The following VAV2 variants were observed in gnomAD, a reference collection of about 807,000 sequenced individuals.
The protein encoded by VAV2 is vav guanine nucleotide exchange factor 2.
VAV2 carries 67 observed loss-of-function variants against 132.5 expected under a neutral mutation model. The ratio of observed to expected loss-of-function variants is 0.51; its 90% confidence interval spans 0.42 to 0.62. The LOEUF (loss-of-function observed/expected upper bound fraction) is 0.62, where lower values mean the gene tolerates loss of function less well. Among genes scored for constraint, VAV2 ranks in the 20% least tolerant of loss-of-function variants. The probability of loss-of-function intolerance (pLI) is 0.00; values close to 1 mark genes in which losing one functional copy is unlikely to be tolerated. For missense variants in VAV2, 938 were observed against 1,153.6 expected (o/e 0.81, Z 2.71); for synonymous variants, 492 against 443.5 (o/e 1.11, Z -1.37).
chr9:133,798,087 C>T (rs1445344990), intron 9 of VAV2, among the ~76,000 whole-genome samples: 1 of 152,190 alleles, frequency 6.6e-6, no homozygotes, highest in Non-Finnish European at 1.5e-5. Flanking sequence ...GGCTGGGATG[C>T]AGGCTGGAGC....
At chr9:133,970,084 G>A (rs1056737832) in intron 1 of VAV2, among the ~76,000 whole-genome samples, 2 of 151,916 alleles carry the variant, frequency 1.3e-5, no homozygotes, top group Non-Finnish European at 2.9e-5. Context: ...CACCCTCCCT[G>A]CCCACTCAAC....
At chr9:133,816,836 T>C (rs1177031252) in intron 4 of VAV2, among the ~76,000 whole-genome samples, 1 of 152,258 alleles carries the variant, frequency 6.6e-6, no homozygotes, top group Non-Finnish European at 1.5e-5. Context: ...GAATAACTAC[T>C]CTATTCCATC....
At chr9:133,958,934 C>T (rs998068823) in intron 1 of VAV2, among the ~76,000 whole-genome samples, 6 of 152,218 alleles carry the variant, frequency 3.9e-5, no homozygotes, top group African/African-American at 7.2e-5. Context: ...GCCAGGCCTG[C>T]GAGGTGCTCC....
At chr9:133,954,480 G>A (rs892973348) in intron 1 of VAV2, among the ~76,000 whole-genome samples, 6 of 152,262 alleles carry the variant, frequency 3.9e-5, no homozygotes, top group Non-Finnish European at 8.8e-5. Context: ...GCAGCACATC[G>A]CAAGTGCGCA....
At chr9:133,856,464 C>T (rs868768632) in intron 3 of VAV2, among the ~76,000 whole-genome samples, 15 of 144,156 alleles carry the variant, frequency 1.0e-4, no homozygotes, top group South Asian at 2.1e-4. Context: ...TGCCCCCCAC[C>T]GGGACCCCAT....
chr9:133,785,102 G>A (rs1588170391), intron 17 of VAV2, among the ~76,000 whole-genome samples: 2 of 152,216 alleles, frequency 1.3e-5, no homozygotes, highest in African/African-American at 4.8e-5. Flanking sequence ...GCCAGGCCCT[G>A]GCCCTGCTGT....
intron 1 of VAV2, among the ~76,000 whole-genome samples, chr9:133,985,788 C>T (rs1425865793): frequency 6.6e-6 from 1 of 152,210 alleles, no homozygotes. Context: ...TCAAAAGACA[C>T]AGGGAAGCAA....
intron 8 of VAV2, 23 bp downstream of exon 8, chr9:133,807,235 G>C: frequency 6.2e-7 from 1 of 1,606,280 alleles, no homozygotes; most frequent in Non-Finnish European, 8.5e-7. Flanking sequence ...CCTGGCATGA[G>C]CGATGGGGGC....
At chr9:133,880,215 G>A (rs1432205425) in intron 2 of VAV2, among the ~76,000 whole-genome samples, 1 of 152,206 alleles carries the variant, frequency 6.6e-6, no homozygotes, top group African/African-American at 2.4e-5. Flanking sequence ...CAGGGTACAA[G>A]GTGTGTCCCC....
chr9:133,771,339 C>T (rs1007649381), intron 26 of VAV2, among the ~76,000 whole-genome samples: 5 of 152,136 alleles, frequency 3.3e-5, no homozygotes, highest in African/African-American at 9.7e-5. Context: ...GCTGGGATTA[C>T]AGGCATGAGC....
At chr9:133,876,884 G>A (rs1838286623) in intron 2 of VAV2, among the ~76,000 whole-genome samples, 1 of 152,164 alleles carries the variant, frequency 6.6e-6, no homozygotes, top group Admixed American at 6.5e-5. Context: ...GAAAGGGCTG[G>A]CCTGAAGAAC....
At position 133,769,583 on chromosome 9, in the gene VAV2, G is replaced by A; in HGVS notation, c.2348-80C>T. 6.9e-7 allele frequency: 1 copy of A among 1,443,426 alleles called. No homozygotes were observed. Among genetic ancestry groups the A allele is most frequent in the Admixed American group, 2.0e-5 (1 of 49,794 alleles). 89.4% of individuals were successfully genotyped at this position (1,443,426 alleles called of 1,614,324 possible). A position where few individuals can be genotyped will look rare whatever the true frequency, so the allele number is the denominator to read the frequency against. On this transcript the variant is annotated intron_variant, in intron 27 of 29. Coordinates refer to ENST00000371850, the MANE Select transcript of VAV2 (RefSeq NM_001134398.2). This position sits in a 1 kb window ranked among gnomAD's most constrained non-coding sequence, Gnocchi z 8.1. ...CACGGTGGGCACAGCTACAGGCCGG[G>A]GGGCATGGGGTGGGGCAGGCCCTTT...
chr9:133,912,154 C>T lies in VAV2; in HGVS notation c.321+26949G>A, dbSNP rs1839906494. On this transcript the variant is annotated intron_variant, in intron 2 of 29. Coordinates refer to ENST00000371850, the MANE Select transcript of VAV2 (RefSeq NM_001134398.2). This position sits in a 1 kb window ranked among gnomAD's most constrained non-coding sequence, Gnocchi z 4.3. ...AGCTCAGGACAGCCACCAGCTCCCGCTGGTGAACTTAGATCAGCTGCGGCT... is the reference window on the plus strand; with the variant it reads ...AGCTCAGGACAGCCACCAGCTCCCGTTGGTGAACTTAGATCAGCTGCGGCT... Among the ~76,000 whole-genome samples, 1 of 152,226 alleles carries T rather than the reference C, an allele frequency of 6.6e-6. No individual in the cohort carries two copies.
intron 11 of VAV2, 107 bp from the exon 12 acceptor site, chr9:133,795,843 A>AAGCC (rs1417602469): frequency 1.6e-6 from 2 of 1,244,718 alleles, no homozygotes; most frequent in Non-Finnish European, 2.3e-6. Context: ...CCTCAGAAGA[A>AAGCC]AGCCACCCCC....
intron 1 of VAV2, among the ~76,000 whole-genome samples, chr9:133,988,623 C>G (rs1842926268): frequency 6.6e-6 from 1 of 152,218 alleles, no homozygotes. Flanking sequence ...ATCCCCACCC[C>G]TTAAGAAACG....
intron 2 of VAV2, among the ~76,000 whole-genome samples, chr9:133,887,370 G>T (rs775965475): frequency 6.6e-6 from 1 of 152,168 alleles, no homozygotes; most frequent in African/African-American, 2.4e-5. Flanking sequence ...GCATGCCCCA[G>T]CAGAAGCTGG....
chr9:133,785,006 G>T (rs1331025425), intron 17 of VAV2, among the ~76,000 whole-genome samples: 1 of 152,146 alleles, frequency 6.6e-6, no homozygotes, highest in Non-Finnish European at 1.5e-5. Context: ...TACAGGCCAT[G>T]GAAAGCGAGT....
At chr9:133,807,389 C>T in intron 7 of VAV2, 63 bp from the exon 8 acceptor site, 1 of 1,513,110 alleles carries the variant, frequency 6.6e-7, no homozygotes, top group Non-Finnish European at 8.9e-7. Flanking sequence ...AAGGTCACAG[C>T]TGCCAGGGGA....
chr9:133,877,147 C>T (rs1215010361), intron 2 of VAV2, among the ~76,000 whole-genome samples: 1 of 152,328 alleles, frequency 6.6e-6, no homozygotes. Flanking sequence ...GCCCGGCCTG[C>T]TAGACCCCCT....
Sources: gnomAD v4.1 joint callset for allele counts (sites outside exome capture counted in the v4.1 genomes callset) on GRCh38, gnomAD v4.1.1 for gene constraint, Gnocchi (gnomAD v3.1) non-coding constraint, MANE v1.5 for transcripts, NCBI Gene and HGNC (gene_info 2026-07-23, HGNC 2026-07-21) for gene names.